Variants in RIC1 observed in about 807,000 individuals in gnomAD.
The protein encoded by RIC1 is guanine nucleotide exchange factor subunit RIC1.
In RIC1, 88 loss-of-function variants were observed where a neutral mutation model predicts 169.0. The observed-to-expected ratio is 0.52, with a 90% CI of 0.44 to 0.62. The LOEUF is 0.62. Among genes scored for constraint, RIC1 ranks in the 20% least tolerant of loss-of-function variants. The pLI is 0.00. For synonymous variants in RIC1, 790 were observed against 601.5 expected (o/e 1.31, Z -4.59); for missense variants, 1,877 against 1,725.5 (o/e 1.09, Z -1.56).
intron 2 of RIC1, among the ~76,000 whole-genome samples, chr9:5,670,285 A>C (rs1332711420): frequency 6.6e-6 from 1 of 152,210 alleles, no homozygotes; most frequent in Admixed American, 6.5e-5. Flanking sequence ...TCTTTGCTCC[A>C]GCAGGCGTCT....
In RIC1 at chr9:5,763,384, C is replaced by T; in HGVS notation, c.2357C>T (p.Ala786Val). 1 of 1,614,158 alleles carries T rather than the reference C, an allele frequency of 6.2e-7. No individual in the cohort carries two copies. The highest frequency in any genetic ancestry group is 8.5e-7 in the Non-Finnish European group (1 of 1,180,030). ...IYPLAVLFED[A>V]LVLGAVNDTL... ...CCGCTAGCTGTTCTGTTTGAAGATGCTTTAGTCCTTGGTGCTGTCAATGAC... is the reference window on the plus strand; with the variant it reads ...CCGCTAGCTGTTCTGTTTGAAGATGTTTTAGTCCTTGGTGCTGTCAATGAC... The change falls in exon 19 of 26, where the codon GCT becomes GTT. Residue 786 changes from alanine to valine, a missense_variant. Ala to Val is a moderately conservative substitution (Grantham distance 64). This residue lies in a region of RIC1 where 1,104 missense variants were observed against 992.0 expected (regional missense o/e 1.11). Coordinates refer to ENST00000414202, the MANE Select transcript of RIC1 (RefSeq NM_020829.4). The surrounding 1 kb of genome is among the most constrained non-coding windows in gnomAD (Gnocchi z 5.2).
intron 4 of RIC1, among the ~76,000 whole-genome samples, 156 bp from the exon 5 acceptor site, chr9:5,720,026 T>C (rs1353756018): frequency 1.3e-5 from 2 of 152,240 alleles, no homozygotes; most frequent in East Asian, 3.8e-4. Flanking sequence ...TGATTCTAGA[T>C]TGAAATATAC....
intron 12 of RIC1, among the ~76,000 whole-genome samples, chr9:5,751,634 C>T (rs1427612977): frequency 6.6e-6 from 1 of 152,188 alleles, no homozygotes; most frequent in Non-Finnish European, 1.5e-5. Flanking sequence ...GGATTACAGG[C>T]ATGAGCCACG....
chr9:5,754,781 T>C, intron 14 of RIC1, 60 bp from the exon 15 acceptor site: 1 of 978,892 alleles, frequency 1.0e-6, no homozygotes, highest in Non-Finnish European at 1.5e-6. Flanking sequence ...TATAAATATA[T>C]TACTTTGTTA....
intron 2 of RIC1, among the ~76,000 whole-genome samples, chr9:5,659,473 G>T (rs954100543): frequency 1.3e-5 from 2 of 152,148 alleles, no homozygotes; most frequent in Admixed American, 1.3e-4. Flanking sequence ...ACCATCATAA[G>T]TTCAGTATCA....
intron 2 of RIC1, among the ~76,000 whole-genome samples, chr9:5,667,628 C>G (rs1237375270): frequency 6.6e-6 from 1 of 151,870 alleles, no homozygotes; most frequent in East Asian, 1.9e-4. Flanking sequence ...CTCAGCCTCC[C>G]TAGTAGCTGG....
At chr9:5,678,581 C>G (rs1820601587) in intron 2 of RIC1, among the ~76,000 whole-genome samples, 1 of 152,038 alleles carries the variant, frequency 6.6e-6, no homozygotes, top group African/African-American at 2.4e-5. Context: ...CTTTGATTTG[C>G]ATTTCTCTGA....
intron 4 of RIC1, among the ~76,000 whole-genome samples, chr9:5,715,677 T>C (rs961032203): frequency 6.6e-6 from 1 of 152,236 alleles, no homozygotes; most frequent in African/African-American, 2.4e-5. Context: ...ATCTCATCTT[T>C]TATTTTTGAT....
At chr9:5,669,339 T>A (rs907765202) in intron 2 of RIC1, among the ~76,000 whole-genome samples, 2 of 152,216 alleles carry the variant, frequency 1.3e-5, no homozygotes, top group Non-Finnish European at 2.9e-5. Flanking sequence ...TATGTCTTTG[T>A]GTTCTCACAG....
At chr9:5,722,873 C>T (rs1337781062) in intron 6 of RIC1, among the ~76,000 whole-genome samples, 1 of 152,196 alleles carries the variant, frequency 6.6e-6, no homozygotes, top group Non-Finnish European at 1.5e-5. Flanking sequence ...CATGTGCCTA[C>T]AAAGGACATG....
chr9:5,716,496 C>G lies in RIC1; in HGVS notation c.440+2493C>G, dbSNP rs567879615. Among the ~76,000 whole-genome samples the G allele has an allele frequency of 2.6e-5, 4 of 152,206 alleles. No homozygotes were observed. The East Asian group carries it at 5.8e-4, about 22-fold the overall frequency. On this transcript the variant is annotated intron_variant, in intron 4 of 25. Transcript: ENST00000414202. ...GGTGTGGTGGCACACGCCTGTACTC[C>G]CAGCTACTCAGGAGGCTGAGGCACA...
chr9:5,725,975 ATG>A (rs1173618202), intron 6 of RIC1, among the ~76,000 whole-genome samples: 1 of 152,112 alleles, frequency 6.6e-6, no homozygotes, highest in African/African-American at 2.4e-5. Flanking sequence ...ACTTCCAACT[ATG>A]TGGTCAATTT....
downstream of RIC1, chr9:5,776,685 G>A (rs1827607463): frequency 6.6e-6 from 1 of 151,856 alleles, no homozygotes; most frequent in Non-Finnish European, 1.5e-5. Flanking sequence ...TTATTTATAT[G>A]TAGATTTAGA....
intron 15 of RIC1, among the ~76,000 whole-genome samples, chr9:5,755,871 C>G (rs560918430): frequency 6.6e-6 from 1 of 151,892 alleles, no homozygotes; most frequent in Admixed American, 6.6e-5. Flanking sequence ...TGCAGTGAGC[C>G]GAGATCATGC....
chr9:5,769,471 G>A, intron 22 of RIC1: 3 of 1,449,610 alleles, frequency 2.1e-6, no homozygotes, highest in Non-Finnish European at 2.7e-6. Flanking sequence ...TGACCTTGAA[G>A]TCTAATTCAA....
chr9:5,753,509 A>G, intron 13 of RIC1, 27 bp from the exon 14 acceptor site: 1 of 1,415,040 alleles, frequency 7.1e-7, no homozygotes, highest in African/African-American at 1.4e-5. Flanking sequence ...TTTGCAAGGA[A>G]AAGTTCTTAT....
chr9:5,756,270 C>T lies in RIC1; in HGVS notation c.1751C>T (p.Ala584Val). 6.2e-7 allele frequency: 1 copy of T among 1,604,840 alleles called. No individual in the cohort carries two copies. The highest frequency in any genetic ancestry group is 1.1e-5 in the South Asian group (1 of 89,680). ...AATGCCTTTGCTCATGTCACCAAAG[C>T]ACAAGCAGAAACATTACTGCTTAGT... ...LDNAFAHVTK[A>V]QAETLLLSVF... Residue 584 changes from alanine to valine, a missense_variant, in exon 16 of 26, where the codon GCA (alanine) becomes GTA (valine). By Grantham distance (64) the Ala-to-Val change is moderately conservative. This residue lies in a region of RIC1 where 1,104 missense variants were observed against 992.0 expected (regional missense o/e 1.11). Coordinates refer to ENST00000414202, the MANE Select transcript of RIC1 (RefSeq NM_020829.4).
At chr9:5,755,578 C>A (rs1290195758) in intron 15 of RIC1, among the ~76,000 whole-genome samples, 1 of 152,116 alleles carries the variant, frequency 6.6e-6, no homozygotes, top group African/African-American at 2.4e-5. Context: ...ACTACTGTAT[C>A]TGGTTTTTTG....
chr9:5,670,142 G>C (rs531928805), intron 2 of RIC1, among the ~76,000 whole-genome samples: 1 of 152,248 alleles, frequency 6.6e-6, no homozygotes, highest in African/African-American at 2.4e-5. Context: ...GTTTGCTTTC[G>C]AGCCCTTGAG....
Sources: allele counts gnomAD v4.1 joint callset (sites outside exome capture counted in the v4.1 genomes callset), GRCh38; gene constraint gnomAD v4.1.1; regional missense constraint gnomAD v4.1.1; non-coding constraint Gnocchi (gnomAD v3.1); transcripts MANE v1.5; gene names NCBI Gene and HGNC (gene_info 2026-07-23, HGNC 2026-07-21).